Variants in GPHN observed in about 807,000 individuals in gnomAD.
The protein encoded by GPHN is gephyrin.
Under a neutral mutation model 95.5 loss-of-function variants are expected in GPHN, and 17 were observed. The ratio of observed to expected loss-of-function variants is 0.18; its 90% CI spans 0.12 to 0.27. The LOEUF (loss-of-function observed/expected upper bound fraction) is 0.27. Ranked by LOEUF, GPHN falls within the 10% of genes least tolerant of loss-of-function variation. The probability of loss-of-function intolerance (pLI) is 1.00; values close to 1 mark genes in which losing one functional copy is unlikely to be tolerated. For synonymous variants in GPHN, 320 were observed against 322.5 expected, an observed-to-expected ratio of 0.99 and a Z score of 0.08; for missense variants, 660 against 978.1, an observed-to-expected ratio of 0.67 and a Z score of 4.34.
At chr14:66,986,664 C>T (rs2071045651) in intron 9 of GPHN, among the ~76,000 whole-genome samples, 1 of 152,046 alleles carries the variant, frequency 6.6e-6, no homozygotes, top group Non-Finnish European at 1.5e-5. Context: ...TCTTATATCT[C>T]AATCTCATTT....
intron 1 of GPHN, among the ~76,000 whole-genome samples, chr14:66,621,131 A>ATT (rs149505173): frequency 5.0e-5 from 7 of 141,326 alleles, no homozygotes; most frequent in Non-Finnish European, 3.1e-5. Flanking sequence ...AGCCCAGCCA[A>ATT]TTTTTTTTTT....
the GPHN span, among the ~76,000 whole-genome samples, chr14:67,508,657 G>T: frequency 1.3e-5 from 2 of 149,230 alleles, no homozygotes; most frequent in African/African-American, 4.9e-5. Context: ...GAGGCTAGAG[G>T]ATCCCTTGAG....
the GPHN span, chr14:67,651,383 G>T: frequency 6.2e-7 from 1 of 1,613,766 alleles, no homozygotes; most frequent in Admixed American, 1.7e-5. Context: ...CCCTATAGAA[G>T]TTCAATGGCT....
the GPHN span, chr14:67,208,378 G>C: frequency 6.2e-7 from 1 of 1,614,012 alleles, no homozygotes; most frequent in Non-Finnish European, 8.5e-7. Context: ...CATCCAAGGA[G>C]ATGAAGGATA....
At chr14:67,616,610 T>G in the GPHN span, 1 of 152,030 alleles carries the variant, frequency 6.6e-6, no homozygotes, top group African/African-American at 2.4e-5. Flanking sequence ...AATAATAATT[T>G]GAATTGTTAA....
intron 1 of GPHN, among the ~76,000 whole-genome samples, chr14:66,652,134 G>A (rs2065073219): frequency 6.6e-6 from 1 of 151,962 alleles, no homozygotes; most frequent in Admixed American, 6.6e-5. Context: ...ATAGAGGGGG[G>A]CCTATAATGG....
chr14:66,582,555 C>T (rs1295544221), intron 1 of GPHN, among the ~76,000 whole-genome samples: 1 of 151,392 alleles, frequency 6.6e-6, no homozygotes, highest in Non-Finnish European at 1.5e-5. Flanking sequence ...CCACAACAGT[C>T]CCCAGTGTGT....
the GPHN span, among the ~76,000 whole-genome samples, chr14:67,286,811 T>G: frequency 7.2e-6 from 1 of 139,460 alleles, no homozygotes; most frequent in African/African-American, 2.8e-5. Context: ...GAGCTCTGAT[T>G]ACGCCACTGC....
At chr14:66,558,110 A>AT (rs1024417159) in intron 1 of GPHN, among the ~76,000 whole-genome samples, 2 of 152,092 alleles carry the variant, frequency 1.3e-5, no homozygotes, top group Non-Finnish European at 2.9e-5. Flanking sequence ...TGAGAAAATG[A>AT]TTTTTTTCCT....
chr14:66,924,167 TC>T, intron 7 of GPHN, 26 bp from the exon 8 acceptor site: 1 of 1,229,056 alleles, frequency 8.1e-7, no homozygotes, highest in South Asian at 1.2e-5. Context: ...GTCACTATAT[TC>T]ATAGTTGTTA....
chr14:66,970,075 A>G (rs941737923), intron 9 of GPHN, among the ~76,000 whole-genome samples: 6 of 150,098 alleles, frequency 4.0e-5, no homozygotes, highest in Non-Finnish European at 8.9e-5. Flanking sequence ...TAGAATAACC[A>G]GCAAGTTGTG....
chr14:66,562,408 C>CA (rs1348013749), intron 1 of GPHN, among the ~76,000 whole-genome samples: 1 of 152,050 alleles, frequency 6.6e-6, no homozygotes, highest in Non-Finnish European at 1.5e-5. Flanking sequence ...ATACATATAT[C>CA]AAAACATCAC....
At chr14:67,663,277 A>C in the GPHN span, 1 of 919,412 alleles carries the variant, frequency 1.1e-6, no homozygotes, top group Non-Finnish European at 1.6e-6. Context: ...CTGATAGTTT[A>C]TACTACAGGT....
the GPHN span, among the ~76,000 whole-genome samples, chr14:67,275,078 G>A: frequency 4.6e-5 from 7 of 152,196 alleles, no homozygotes; most frequent in African/African-American, 1.4e-4. Flanking sequence ...GGGACAATTT[G>A]ACTTCCTCTT....
At chr14:67,042,003 G>A (rs2074730590) in intron 10 of GPHN, among the ~76,000 whole-genome samples, 1 of 151,750 alleles carries the variant, frequency 6.6e-6, no homozygotes. Flanking sequence ...CCTGTTGGCT[G>A]CATAAATGTC....
intron 17 of GPHN, among the ~76,000 whole-genome samples, chr14:67,135,754 C>T (rs562032976): frequency 6.6e-6 from 1 of 151,940 alleles, no homozygotes; most frequent in Non-Finnish European, 1.5e-5. Context: ...AAGTCCAACT[C>T]TTCTCAAATA....
At chr14:67,256,661 C>A in the GPHN span, among the ~76,000 whole-genome samples, 1 of 152,046 alleles carries the variant, frequency 6.6e-6, no homozygotes, top group Non-Finnish European at 1.5e-5. Context: ...GATTCTCGTG[C>A]CTCAGCCTCC....
chr14:66,892,968 T>C (rs2064604192), intron 5 of GPHN, among the ~76,000 whole-genome samples: 1 of 152,190 alleles, frequency 6.6e-6, no homozygotes, highest in African/African-American at 2.4e-5. Flanking sequence ...ATGTACATTT[T>C]CTTGAAACAT....
At position 66,663,566 on chromosome 14, in the gene GPHN, T is replaced by C. The variant is rs114202524; in HGVS notation, c.65-17541T>C. 3.0e-3 allele frequency among the ~76,000 whole-genome samples: 456 copies of C among 152,134 alleles called. 3 individuals carry two copies. Among genetic ancestry groups the C allele is most frequent in the African/African-American group, 0.011 (438 of 41,514 alleles). The stretch of plus-strand genomic sequence containing the variant: ...AATGACACTATAAAGTAACCACAAG[T>C]TATTTTAAACAAGTCTCCAAAATAA... On this transcript the variant is annotated intron_variant, in intron 1 of 22. Coordinates refer to ENST00000478722, the MANE Select transcript of GPHN (RefSeq NM_020806.5).
Sources: allele counts gnomAD v4.1 joint callset (sites outside exome capture counted in the v4.1 genomes callset), GRCh38; gene constraint gnomAD v4.1.1; transcripts MANE v1.5; gene names NCBI Gene and HGNC (gene_info 2026-07-23, HGNC 2026-07-21).